Variants in KCNQ5 observed in about 807,000 individuals in gnomAD.
The protein encoded by KCNQ5 is potassium voltage-gated channel subfamily KQT member 5.
In KCNQ5, 30 loss-of-function variants were observed where a neutral mutation model predicts 98.2. The observed-to-expected ratio is 0.31, with a 90% confidence interval of 0.23 to 0.41. The LOEUF (loss-of-function observed/expected upper bound fraction) is 0.41. Ranked by LOEUF, KCNQ5 falls within the 10% of genes least tolerant of loss-of-function variation. The probability of loss-of-function intolerance (pLI) is 1.00; values close to 1 mark genes in which losing one functional copy is unlikely to be tolerated. For missense variants in KCNQ5, 835 were observed against 1,182.5 expected, an observed-to-expected ratio of 0.71 and a Z score of 4.31; for synonymous variants, 458 against 449.4, an observed-to-expected ratio of 1.02 and a Z score of -0.24.
At chr6:72,742,927 T>C (rs1183951754) in intron 1 of KCNQ5, among the ~76,000 whole-genome samples, 1 of 152,232 alleles carries the variant, frequency 6.6e-6, no homozygotes, top group African/African-American at 2.4e-5. Context: ...TTCCTTATAC[T>C]GTAACTAAAA....
intron 1 of KCNQ5, among the ~76,000 whole-genome samples, chr6:72,895,275 C>A (rs1361134744): frequency 6.8e-6 from 1 of 147,242 alleles, no homozygotes; most frequent in Non-Finnish European, 1.5e-5. Flanking sequence ...GGTGACAGAG[C>A]GAGACTCGGT....
chr6:73,024,297 CA>C (rs200979986), intron 2 of KCNQ5, among the ~76,000 whole-genome samples: 1 of 148,962 alleles, frequency 6.7e-6, no homozygotes, highest in Admixed American at 6.7e-5. Flanking sequence ...GGTAATTAAA[CA>C]AAAAAAAATA....
chr6:72,850,983 G>A (rs1777229751), intron 1 of KCNQ5, among the ~76,000 whole-genome samples: 1 of 151,944 alleles, frequency 6.6e-6, no homozygotes, highest in Non-Finnish European at 1.5e-5. Flanking sequence ...TGTTCAGGAA[G>A]ATTCTTGCAA....
rs528086370 is a variant in KCNQ5 at position 72,728,636 on chromosome 6, G to T, written c.398+106049G>T. Among the ~76,000 whole-genome samples, 50 of 152,320 alleles carry T rather than the reference G, an allele frequency of 3.3e-4. 1 individual carries two copies. Among genetic ancestry groups the T allele is most frequent in the African/African-American group, 9.6e-4 (40 of 41,564 alleles). On this transcript the variant is annotated intron_variant, in intron 1 of 13. Transcript: ENST00000370398. ...GGAAGAAGGTAATGTTCTTTGATTA[G>T]GTGTTACTTCTGTTCCCTGGAAATT...
chr6:73,021,907 T>TC (rs1770623017), intron 2 of KCNQ5, among the ~76,000 whole-genome samples: 2 of 152,232 alleles, frequency 1.3e-5, no homozygotes, highest in African/African-American at 4.8e-5. Context: ...CTCTTTTTTT[T>TC]CACTCTTCCT....
At chr6:72,803,995 T>C (rs1774813878) in intron 1 of KCNQ5, among the ~76,000 whole-genome samples, 1 of 152,140 alleles carries the variant, frequency 6.6e-6, no homozygotes, top group African/African-American at 2.4e-5. Context: ...TAGATTGATA[T>C]AAACTTGTGC....
chr6:72,670,901 C>T (rs1323227497), intron 1 of KCNQ5, among the ~76,000 whole-genome samples: 3 of 152,136 alleles, frequency 2.0e-5, no homozygotes, highest in African/African-American at 7.2e-5. Flanking sequence ...ATCCTGTAGA[C>T]CCGGTAGGGT....
intron 10 of KCNQ5, among the ~76,000 whole-genome samples, chr6:73,169,510 G>A (rs1282124704): frequency 2.6e-5 from 4 of 152,196 alleles, no homozygotes; most frequent in African/African-American, 9.7e-5. Context: ...ATAATGTGTC[G>A]ATAGCTTCAT....
chr6:72,980,228 C>T (rs1370891204), intron 1 of KCNQ5, among the ~76,000 whole-genome samples: 1 of 152,160 alleles, frequency 6.6e-6, no homozygotes, highest in Non-Finnish European at 1.5e-5. Flanking sequence ...TCACTGGTAG[C>T]TTAATGGGGA....
chr6:72,984,676 C>A (rs1159725551), intron 1 of KCNQ5, among the ~76,000 whole-genome samples: 1 of 152,130 alleles, frequency 6.6e-6, no homozygotes, highest in African/African-American at 2.4e-5. Flanking sequence ...CTGGGTGAGG[C>A]AATACCCCGC....
At chr6:72,827,165 G>A (rs1776039772) in intron 1 of KCNQ5, among the ~76,000 whole-genome samples, 1 of 152,128 alleles carries the variant, frequency 6.6e-6, no homozygotes, top group Non-Finnish European at 1.5e-5. Flanking sequence ...TGGCTATTGT[G>A]AATAGTGTGG....
At chr6:72,922,722 G>A (rs983103215) in intron 1 of KCNQ5, among the ~76,000 whole-genome samples, 3 of 151,324 alleles carry the variant, frequency 2.0e-5, no homozygotes, top group African/African-American at 7.3e-5. Flanking sequence ...TCCATGTTTT[G>A]GCAAATGACT....
intron 1 of KCNQ5, among the ~76,000 whole-genome samples, chr6:72,859,167 A>T (rs905493280): frequency 1.3e-5 from 2 of 152,174 alleles, no homozygotes; most frequent in African/African-American, 2.4e-5. Flanking sequence ...TGACACAGAC[A>T]GTTTTATTAT....
At chr6:72,776,003 G>T (rs1773143951) in intron 1 of KCNQ5, among the ~76,000 whole-genome samples, 3 of 152,060 alleles carry the variant, frequency 2.0e-5, no homozygotes, top group Admixed American at 6.6e-5. Flanking sequence ...ATCAATATTG[G>T]TTCATTAATT....
chr6:72,878,185 G>A (rs191033068), intron 1 of KCNQ5, among the ~76,000 whole-genome samples: 185 of 152,268 alleles, frequency 1.2e-3, no homozygotes, highest in Non-Finnish European at 2.2e-3. Context: ...CAGGAGAATC[G>A]CCTGAACCTG....
intron 1 of KCNQ5, among the ~76,000 whole-genome samples, chr6:72,789,972 A>G (rs1160754832): frequency 1.3e-5 from 2 of 152,198 alleles, no homozygotes; most frequent in Non-Finnish European, 2.9e-5. Context: ...GCCCAGTGCG[A>G]GAGAACAGAA....
chr6:72,920,064 G>A (rs976830144), intron 1 of KCNQ5, among the ~76,000 whole-genome samples: 6 of 152,162 alleles, frequency 3.9e-5, no homozygotes, highest in Non-Finnish European at 7.3e-5. Context: ...CACTTTAGGA[G>A]GCCGAGGTGG....
chr6:73,032,125 G>C (rs1046130378), intron 2 of KCNQ5, among the ~76,000 whole-genome samples: 1 of 152,108 alleles, frequency 6.6e-6, no homozygotes, highest in Admixed American at 6.6e-5. Context: ...TAGTCAACTT[G>C]GCTGACATGT....
chr6:72,696,381 ATAT>A (rs1485257757), intron 1 of KCNQ5, among the ~76,000 whole-genome samples: 3 of 152,360 alleles, frequency 2.0e-5, no homozygotes, highest in Admixed American at 6.5e-5. Context: ...AAAATTTTTA[ATAT>A]TAGGCACTTT....
Sources: gnomAD v4.1 joint callset for allele counts (sites outside exome capture counted in the v4.1 genomes callset) on GRCh38, gnomAD v4.1.1 for gene constraint, MANE v1.5 for transcripts, NCBI Gene and HGNC (gene_info 2026-07-23, HGNC 2026-07-21) for gene names.